The following NTPCR variants were observed in gnomAD, a reference collection of about 807,000 sequenced individuals.
NTPCR encodes nucleoside-triphosphatase, cancer-related.
In NTPCR, 15 loss-of-function variants were observed where a neutral mutation model predicts 19.5. That is an observed-to-expected ratio of 0.77 (90% CI 0.51 to 1.18). The LOEUF is 1.18. Among genes scored for constraint, NTPCR ranks in the 50% most tolerant of loss-of-function variants. The pLI is 0.00. For missense variants in NTPCR, 206 were observed against 240.4 expected (o/e 0.86, Z 0.95); for synonymous variants, 90 against 95.8 (o/e 0.94, Z 0.36).
chr1:232,955,637 G>A lies in NTPCR; in HGVS notation c.115G>A (p.Glu39Lys), dbSNP rs1265821454. The A allele has an allele frequency of 3.0e-5, 49 of 1,612,584 alleles. No individual in the cohort carries two copies. Among genetic ancestry groups the A allele is most frequent in the African/African-American group, 9.4e-5 (7 of 74,454 alleles). ...TGTGCCTGTTGATGGATTTTATACCGAAGAAGTCAGACAGGGAGGGAGAAG... is the reference window on the plus strand; with the variant it reads ...TGTGCCTGTTGATGGATTTTATACCAAAGAAGTCAGACAGGGAGGGAGAAG... ...SGVPVDGFYT[E>K]EVRQGGRRIG... Residue 39 changes from glutamate to lysine, a missense_variant, in exon 2 of 5, where the codon GAA becomes AAA. Transcript: ENST00000366628.
chr1:232,978,846 G>C lies in NTPCR; in HGVS notation c.*615G>C, dbSNP rs1201513649. 1 of 152,238 alleles carries C rather than the reference G, an allele frequency of 6.6e-6. No individual in the cohort carries two copies. 9.4% of individuals were successfully genotyped at this position (152,238 alleles called of 1,614,324 possible). ...TACACAACCTTTGGAAGTGTTGATAGCATCTGATATTCAGCCGACCAGATG... is the reference window on the plus strand; with the variant it reads ...TACACAACCTTTGGAAGTGTTGATACCATCTGATATTCAGCCGACCAGATG... On this transcript the variant is annotated 3_prime_UTR_variant, in exon 5 of 5. Transcript: ENST00000366628.
At position 232,976,288 on chromosome 1, in the gene NTPCR, ATCTTC is replaced by A; in HGVS notation, c.505-1868_505-1864del. 3 of 1,425,482 alleles carry A rather than the reference ATCTTC, an allele frequency of 2.1e-6. No individual in the cohort carries two copies. The South Asian group carries it at 4.8e-5, about 23-fold the overall frequency. The allele number at this position is 1,425,482 out of a possible 1,614,324, so 88.3% of individuals were successfully genotyped here. A position where few individuals can be genotyped will look rare whatever the true frequency, so the allele number is the denominator to read the frequency against. On this transcript the variant is annotated intron_variant, in intron 4 of 4. Coordinates refer to ENST00000366628, the MANE Select transcript of NTPCR (RefSeq NM_032324.3). ...CATTTTTGTGGTGATGACATTCAAA[ATCTTC>A]TCTTCTAGCTATCTTGAAATATACA... is the stretch of plus-strand genomic sequence containing the variant.
At chr1:232,971,472 G>A (rs1169933474) in intron 4 of NTPCR, among the ~76,000 whole-genome samples, 3 of 152,154 alleles carry the variant, frequency 2.0e-5, no homozygotes, top group Non-Finnish European at 4.4e-5. Flanking sequence ...GAGTGTGGTG[G>A]TAAACAGCCA....
intron 2 of NTPCR, 141 bp downstream of exon 2, chr1:232,955,860 G>A: frequency 1.3e-6 from 1 of 763,072 alleles, no homozygotes; most frequent in Non-Finnish European, 2.1e-6. Flanking sequence ...TTTCCCTTTA[G>A]GTTGAGAGTG....
At chr1:232,974,684 C>T (rs1669078154) in intron 4 of NTPCR, among the ~76,000 whole-genome samples, 1 of 152,160 alleles carries the variant, frequency 6.6e-6, no homozygotes, top group Non-Finnish European at 1.5e-5. Flanking sequence ...AAATATTGAG[C>T]ACGCACTGTA....
intron 3 of NTPCR, chr1:232,963,246 A>G (rs1668716995): frequency 6.6e-6 from 1 of 152,210 alleles, no homozygotes; most frequent in Admixed American, 6.5e-5. Flanking sequence ...TGAGGTGAAA[A>G]TTCAGCATGA....
At chr1:232,952,403 C>T (rs1164864567) in intron 1 of NTPCR, among the ~76,000 whole-genome samples, 2 of 150,942 alleles carry the variant, frequency 1.3e-5, no homozygotes, top group Non-Finnish European at 3.0e-5. Flanking sequence ...AGACCTGTCT[C>T]TTGTTATGTT....
intron 4 of NTPCR, among the ~76,000 whole-genome samples, chr1:232,976,086 G>A (rs1005919663): frequency 2.0e-5 from 3 of 151,982 alleles, no homozygotes; most frequent in Non-Finnish European, 4.4e-5. Context: ...GAAATCAAAG[G>A]GAGTATCAAA....
At chr1:232,958,249 T>C (rs1450606346) in intron 3 of NTPCR, among the ~76,000 whole-genome samples, 1 of 152,266 alleles carries the variant, frequency 6.6e-6, no homozygotes, top group African/African-American at 2.4e-5. Context: ...TCCAGTGGCC[T>C]AGAAGGCCCT....
chr1:232,963,981 G>T (rs1404226699), intron 3 of NTPCR: 1 of 151,940 alleles, frequency 6.6e-6, no homozygotes, highest in Non-Finnish European at 1.5e-5. Context: ...TAAAAATAAG[G>T]ATATGCTTTT....
At chr1:232,963,213 T>A (rs1199482292) in intron 3 of NTPCR, 1 of 152,234 alleles carries the variant, frequency 6.6e-6, no homozygotes, top group African/African-American at 2.4e-5. Flanking sequence ...AGGACATTCC[T>A]GCAGTGAATC....
At chr1:232,967,839 C>G (rs1668862410) in intron 3 of NTPCR, 1 of 152,166 alleles carries the variant, frequency 6.6e-6, no homozygotes, top group South Asian at 2.1e-4. Flanking sequence ...CTGGGGGCAG[C>G]AAAATGTCCA....
intron 4 of NTPCR, among the ~76,000 whole-genome samples, chr1:232,972,003 C>T (rs986384805): frequency 1.3e-5 from 2 of 151,926 alleles, no homozygotes; most frequent in Non-Finnish European, 2.9e-5. Context: ...TGTTAGACTC[C>T]AGGGATTGGC....
At position 232,951,447 on chromosome 1, in the gene NTPCR, C is replaced by T. The variant is rs1255548192; in HGVS notation, c.34+703C>T. Among the ~76,000 whole-genome samples the T allele has an allele frequency of 2.6e-5, 4 of 152,212 alleles. No individual in the cohort carries two copies. In the East Asian group the frequency reaches 5.8e-4, roughly 22 times the overall value. On this transcript the variant is annotated intron_variant, in intron 1 of 4. Coordinates refer to ENST00000366628, the MANE Select transcript of NTPCR (RefSeq NM_032324.3). ...CTGAGAAGCAGGATAGCGTTGAGGT[C>T]AGATGAGAGGTGTAGGAGGAGGTGC...
At chr1:232,956,759 AACAT>A (rs1668522813) in intron 3 of NTPCR, among the ~76,000 whole-genome samples, 1 of 152,212 alleles carries the variant, frequency 6.6e-6, no homozygotes, top group East Asian at 1.9e-4. Flanking sequence ...CAGCACAACA[AACAT>A]TTAGGAAGAG....
At position 232,970,053 on chromosome 1, in the gene NTPCR, C is replaced by T. The variant is rs372840367; in HGVS notation, c.439C>T (p.Pro147Ser). Reference sequence around the variant, plus strand: ...TATAATCCTTGGCACAATCCCAGTTCCTAAAGGAAAGCCACTGGCTCTTGT... The same window carrying T: ...TATAATCCTTGGCACAATCCCAGTTTCTAAAGGAAAGCCACTGGCTCTTGT... ...GTIILGTIPV[P>S]KGKPLALVEE... Residue 147 changes from proline to serine, a missense_variant, in exon 4 of 5, where the codon CCT becomes TCT. Physicochemically the swap from Pro to Ser is moderately conservative, Grantham distance 74. Coordinates refer to ENST00000366628, the MANE Select transcript of NTPCR (RefSeq NM_032324.3). The T allele has an allele frequency of 1.3e-5, 21 of 1,614,128 alleles. No homozygotes were observed. The African/African-American group carries it at 1.6e-4, about 12-fold the overall frequency.
Position 232,978,314 on chromosome 1 carries a change from C to A in NTPCR, c.*83C>A. ...GAGCCCTGCCTGTCGAGGCTGTATGCCTATGGGGTTATGGAACCTTGTGGG... is the reference window on the plus strand; with the variant it reads ...GAGCCCTGCCTGTCGAGGCTGTATGACTATGGGGTTATGGAACCTTGTGGG... On this transcript the variant is annotated 3_prime_UTR_variant, in exon 5 of 5. Coordinates refer to ENST00000366628, the MANE Select transcript of NTPCR (RefSeq NM_032324.3). 1 of 1,145,132 alleles carries A rather than the reference C, an allele frequency of 8.7e-7. No individual in the cohort carries two copies. Among genetic ancestry groups the A allele is most frequent in the Non-Finnish European group, 1.3e-6 (1 of 773,384 alleles). The allele number at this position is 1,145,132 out of a possible 1,614,324, so 70.9% of individuals were successfully genotyped here. A position where few individuals can be genotyped will look rare whatever the true frequency, so the allele number is the denominator to read the frequency against.
chr1:232,959,048 A>G (rs1668595757), intron 3 of NTPCR, among the ~76,000 whole-genome samples: 1 of 152,194 alleles, frequency 6.6e-6, no homozygotes, highest in African/African-American at 2.4e-5. Context: ...AAATGCAGAC[A>G]TGTACATTCC....
intron 3 of NTPCR, 178 bp from the exon 4 acceptor site, chr1:232,969,731 G>A (rs1668919811): frequency 9.0e-6 from 5 of 558,326 alleles, no homozygotes; most frequent in South Asian, 4.1e-5. Context: ...ACTCACCCTT[G>A]TGCAGTCCCC....
Sources: gnomAD v4.1 joint callset for allele counts (sites outside exome capture counted in the v4.1 genomes callset) on GRCh38, gnomAD v4.1.1 for gene constraint, MANE v1.5 for transcripts, NCBI Gene and HGNC (gene_info 2026-07-23, HGNC 2026-07-21) for gene names.